PLIN1: variants seen among roughly 807,000 people sequenced by gnomAD.
PLIN1 encodes perilipin-1.
PLIN1 carries 37 observed loss-of-function variants against 45.8 expected under a neutral mutation model. That is an observed-to-expected ratio of 0.81 (90% confidence interval 0.62 to 1.06). The LOEUF (loss-of-function observed/expected upper bound fraction) is 1.06. PLIN1 is among the 50% of genes least tolerant of loss of function. The probability of loss-of-function intolerance (pLI) is 0.00; values close to 1 mark genes in which losing one functional copy is unlikely to be tolerated. For missense variants in PLIN1, 776 were observed against 716.5 expected, an observed-to-expected ratio of 1.08 and a Z score of -0.95; for synonymous variants, 340 against 309.2, an observed-to-expected ratio of 1.10 and a Z score of -1.05.
chr15:89,671,367 T>C, intron 4 of PLIN1, 115 bp downstream of exon 4: 2 of 754,406 alleles, frequency 2.7e-6, no homozygotes, highest in Admixed American at 4.2e-5. Flanking sequence ...CCTTGGAGGG[T>C]GCTCACCATG....
chr15:89,666,017 G>T, intron 8 of PLIN1, 75 bp from the exon 9 acceptor site: 3 of 1,177,400 alleles, frequency 2.5e-6, no homozygotes, highest in Non-Finnish European at 3.4e-6. Flanking sequence ...GCCCCTTCCC[G>T]GGCCCCTCGA....
Position 89,673,297 on chromosome 15 carries a change from A to C in PLIN1, c.163T>G (p.Cys55Gly). The C allele has an allele frequency of 6.3e-7, 1 of 1,587,270 alleles. No individual in the cohort carries two copies. Among genetic ancestry groups the C allele is most frequent in the Non-Finnish European group, 8.6e-7 (1 of 1,165,740 alleles). The part of the protein sequence containing the change: ...KEAHPLVASV[C>G]NAYEKGVQSA... The stretch of plus-strand genomic sequence containing the variant: ...TGCACGCCCTTCTCATAGGCATTGC[A>C]CACAGAGGCCACCAGGGGGTGGGCT... The change falls in exon 3 of 9, where the codon TGC becomes GGC. Residue 55 changes from cysteine to glycine, a missense_variant. By Grantham distance (159) the Cys-to-Gly change is radical. Transcript: ENST00000300055.
intron 3 of PLIN1, 80 bp downstream of exon 3, chr15:89,673,130 G>T: frequency 9.2e-7 from 1 of 1,089,626 alleles, no homozygotes. Context: ...CAGACAGTCA[G>T]ACAGACTGAG....
chr15:89,673,033 G>A (rs767031683), intron 3 of PLIN1, among the ~76,000 whole-genome samples, 177 bp downstream of exon 3: 2 of 152,242 alleles, frequency 1.3e-5, no homozygotes, highest in Non-Finnish European at 2.9e-5. Context: ...TAGAAGAAAA[G>A]AGATCTGTAT....
chr15:89,670,362 G>A, intron 4 of PLIN1, 118 bp from the exon 5 acceptor site: 1 of 1,037,106 alleles, frequency 9.6e-7, no homozygotes. Flanking sequence ...AAAGGCCCAG[G>A]GAACTGGTAC....
At position 89,673,225 on chromosome 15, in the gene PLIN1, T is replaced by C. The variant is rs1384096510; in HGVS notation, c.235A>G (p.Arg79Gly). The change falls in exon 3 of 9, where the codon AGG becomes GGG. Residue 79 changes from arginine (R) to glycine (G), a missense_variant. Physicochemically the swap from Arg to Gly is moderately radical, Grantham distance 125 (BLOSUM62 -2). Coordinates refer to ENST00000300055, the MANE Select transcript of PLIN1 (RefSeq NM_002666.5). ...AAWSMEPVVRRLSTQFTAANE... is the reference protein window; with the variant it reads ...AAWSMEPVVRGLSTQFTAANE... ...AAGGACTCACACTGGGTGGACAGCC[T>C]GCGGACCACCGGCTCCATGCTCCAG... 1 of 1,567,830 alleles carries C rather than the reference T, an allele frequency of 6.4e-7. No homozygotes were observed. The highest frequency in any genetic ancestry group is 2.4e-5 in the East Asian group (1 of 42,224).
chr15:89,666,898 C>T (rs962892454), intron 8 of PLIN1, 38 bp downstream of exon 8: 4 of 1,612,274 alleles, frequency 2.5e-6, no homozygotes, highest in South Asian at 2.2e-5. Context: ...GTCCAGGCCC[C>T]CTTGGGACAC....
chr15:89,667,096 A>G lies in PLIN1; in HGVS notation c.1049T>C (p.Val350Ala), dbSNP rs1489884185. 4.3e-6 allele frequency: 7 copies of G among 1,614,046 alleles called. 1 individual carries two copies. The highest frequency in any genetic ancestry group is 3.3e-4 in the Middle Eastern group (2 of 6,038). ...CAGCACAGCTGCAGGTGCCCATGTC[A>G]CAGCCGAGATGGTGGTCTGGAGGGT... ...QKTLQTTISA[V>A]TWAPAAVLGM... The change falls in exon 8 of 9, where the codon GTG becomes GCG. Residue 350 changes from valine to alanine, a missense_variant. By Grantham distance (64) the Val-to-Ala change is moderately conservative. Transcript: ENST00000300055.
intron 2 of PLIN1, among the ~76,000 whole-genome samples, chr15:89,673,782 G>A (rs1964476964): frequency 6.7e-6 from 1 of 149,918 alleles, no homozygotes; most frequent in African/African-American, 2.5e-5. Context: ...GTCCACCTTT[G>A]ATTGGTGGCT....
At chr15:89,672,995 T>C (rs1193730098) in intron 3 of PLIN1, among the ~76,000 whole-genome samples, 3 of 152,224 alleles carry the variant, frequency 2.0e-5, no homozygotes, top group Admixed American at 6.5e-5. Flanking sequence ...CCTAGGAAAA[T>C]GCCAGCTGGG....
intron 2 of PLIN1, 83 bp from the exon 3 acceptor site, chr15:89,673,497 A>C: frequency 9.0e-7 from 1 of 1,105,468 alleles, no homozygotes; most frequent in Non-Finnish European, 1.3e-6. Flanking sequence ...ATGGGGACCA[A>C]TGGTGCAACT....
Position 89,670,522 on chromosome 15 carries a change from G to A in PLIN1, c.334-278C>T, listed in dbSNP as rs188722040. Among the ~76,000 whole-genome samples, 10 of 152,284 alleles carry A rather than the reference G, an allele frequency of 6.6e-5. No homozygotes were observed. In the East Asian group the frequency reaches 1.2e-3, roughly 18 times the overall value. On this transcript the variant is annotated intron_variant, in intron 4 of 8. Transcript: ENST00000300055. Reference sequence around the variant, plus strand: ...CCTGTGAGGATGACCCCAAAGGCTCGTCCTTGGTGCCACCTGTCCTGATAC... The same window carrying A: ...CCTGTGAGGATGACCCCAAAGGCTCATCCTTGGTGCCACCTGTCCTGATAC...
rs1567079522 is a variant in PLIN1 at position 89,673,280 on chromosome 15, CT to C, written c.179del (p.Lys60ArgfsTer57). On this transcript the variant is annotated frameshift_variant, in exon 3 of 9. Coordinates refer to ENST00000300055, the MANE Select transcript of PLIN1 (RefSeq NM_002666.5). LOFTEE classifies it high-confidence loss of function. Reference sequence around the variant, plus strand: ...CCAAGCTACTGGCGCTCTGCACGCCCTTCTCATAGGCATTGCACACAGAGGC... The same window carrying C: ...CCAAGCTACTGGCGCTCTGCACGCCCTCTCATAGGCATTGCACACAGAGGC... ...LVASVCNAYE[K>X]GVQSASSLAA... 1.9e-6 allele frequency: 3 copies of C among 1,583,034 alleles called. No individual in the cohort carries two copies. Among genetic ancestry groups the C allele is most frequent in the Non-Finnish European group, 2.6e-6 (3 of 1,163,326 alleles).
intron 3 of PLIN1, among the ~76,000 whole-genome samples, chr15:89,672,751 C>T (rs916683662): frequency 3.3e-5 from 5 of 152,212 alleles, no homozygotes; most frequent in East Asian, 3.9e-4. Flanking sequence ...CGTCATGAGC[C>T]GCTACCATCA....
Position 89,665,528 on chromosome 15 carries a change from T to G in PLIN1, c.*55A>C. 1 of 1,509,362 alleles carries G rather than the reference T, an allele frequency of 6.6e-7. No individual in the cohort carries two copies. Among genetic ancestry groups the G allele is most frequent in the Admixed American group, 2.0e-5 (1 of 49,846 alleles). 93.5% of individuals were successfully genotyped at this position (1,509,362 alleles called of 1,614,324 possible). A position where few individuals can be genotyped will look rare whatever the true frequency, so the allele number is the denominator to read the frequency against. ...ACGCTCGCCTGGGCAGTGCGGGTTC[T>G]GTTTATTTGTTAGAGAAACCCGCCG... On this transcript the variant is annotated 3_prime_UTR_variant, in exon 9 of 9. Coordinates refer to ENST00000300055, the MANE Select transcript of PLIN1 (RefSeq NM_002666.5).
intron 2 of PLIN1, 61 bp downstream of exon 2, chr15:89,677,384 C>G: frequency 7.4e-7 from 1 of 1,345,900 alleles, no homozygotes; most frequent in Non-Finnish European, 1.1e-6. Context: ...TCTCCCCTCC[C>G]TGCTTCTTCC....
At chr15:89,671,452 G>C in intron 4 of PLIN1, 30 bp downstream of exon 4, 1 of 1,465,764 alleles carries the variant, frequency 6.8e-7, no homozygotes. Context: ...ACAGAGTGCA[G>C]GGAGGCTTCG....
intron 2 of PLIN1, among the ~76,000 whole-genome samples, chr15:89,674,805 C>T (rs937533162): frequency 1.3e-5 from 2 of 152,146 alleles, no homozygotes; most frequent in African/African-American, 4.8e-5. Context: ...AAATGGTTCA[C>T]ACTGTGGTCT....
In PLIN1 at chr15:89,673,374, A is replaced by G; in HGVS notation, c.86T>C (p.Val29Ala). 1.2e-6 allele frequency: 2 copies of G among 1,604,766 alleles called. No homozygotes were observed. The highest frequency in any genetic ancestry group is 1.7e-6 in the Non-Finnish European group (2 of 1,175,624). Residue 29 changes from valine to alanine, a missense_variant, in exon 3 of 9, where the codon GTG becomes GCG. By Grantham distance (64) the Val-to-Ala change is moderately conservative. Coordinates refer to ENST00000300055, the MANE Select transcript of PLIN1 (RefSeq NM_002666.5). ...NVLQRVLQLP[V>A]VSGTCECFQK... ...GAAGCATTCGCAGGTGCCACTCACC[A>G]CCGGCAGCTGCAGGACCCGCTGCAG...
Sources: allele counts gnomAD v4.1 joint callset (sites outside exome capture counted in the v4.1 genomes callset), GRCh38; gene constraint gnomAD v4.1.1; transcripts MANE v1.5; gene names NCBI Gene and HGNC (gene_info 2026-07-23, HGNC 2026-07-21).